CFAP70: variants seen among roughly 807,000 people sequenced by gnomAD.
CFAP70 encodes the protein cilia- and flagella-associated protein 70.
CFAP70 carries 81 observed loss-of-function variants against 137.6 expected under a neutral mutation model. The observed-to-expected ratio is 0.59, with a 90% CI of 0.49 to 0.71. The LOEUF (loss-of-function observed/expected upper bound fraction) is 0.71, where lower values mean the gene tolerates loss of function less well. Among genes scored for constraint, CFAP70 ranks in the 30% least tolerant of loss-of-function variants. The pLI is 0.00. For missense variants in CFAP70, 976 were observed against 1,226.7 expected, an observed-to-expected ratio of 0.80 and a Z score of 3.05; for synonymous variants, 382 against 423.6, an observed-to-expected ratio of 0.90 and a Z score of 1.20.
At chr10:73,336,877 C>T (rs1303934169) in intron 6 of CFAP70, among the ~76,000 whole-genome samples, 9 of 151,888 alleles carry the variant, frequency 5.9e-5, no homozygotes, top group Admixed American at 1.3e-4. Flanking sequence ...CGCCCGGCCG[C>T]GTTATACTAT....
intron 9 of CFAP70, among the ~76,000 whole-genome samples, chr10:73,314,954 C>G (rs2050215508): frequency 6.6e-6 from 1 of 151,468 alleles, no homozygotes; most frequent in Non-Finnish European, 1.5e-5. Context: ...TTACTCACAC[C>G]TGTAATCCCA....
chr10:73,258,041 G>T (rs373756716), intron 25 of CFAP70, among the ~76,000 whole-genome samples: 2 of 152,056 alleles, frequency 1.3e-5, no homozygotes, highest in East Asian at 3.9e-4. Context: ...TACAGATGTT[G>T]TATGTGTCTT....
chr10:73,356,061 A>C (rs1285382850), intron 1 of CFAP70, among the ~76,000 whole-genome samples: 1 of 152,202 alleles, frequency 6.6e-6, no homozygotes, highest in Admixed American at 6.5e-5. Flanking sequence ...CAGCCACACA[A>C]AATGGTAGTC....
chr10:73,316,481 G>GATATAT (rs1253458738), intron 9 of CFAP70, among the ~76,000 whole-genome samples: 73 of 106,528 alleles, frequency 6.9e-4, no homozygotes, highest in East Asian at 6.1e-3. Context: ...TATATATATA[G>GATATAT]ATATAGATAT....
chr10:73,332,630 A>G (rs2052234017), intron 7 of CFAP70, among the ~76,000 whole-genome samples: 1 of 152,216 alleles, frequency 6.6e-6, no homozygotes. Context: ...GTTTCAATAT[A>G]ATAACAATGA....
chr10:73,341,633 G>A, intron 5 of CFAP70, 52 bp from the exon 7 acceptor site: 1 of 1,464,084 alleles, frequency 6.8e-7, no homozygotes, highest in South Asian at 1.2e-5. Context: ...ACTTTGAAAT[G>A]GACAAGAAGA....
Position 73,275,364 on chromosome 10 carries a change from G to C in CFAP70, c.2673+82C>G. ...CTGATGACCACCCTTCTGTTCACCA[G>C]AAATCTACGTGTGATATGGCATCAC... On this transcript the variant is annotated intron_variant, in intron 22 of 26. Transcript: ENST00000310715. The surrounding 1 kb of genome is among the most constrained non-coding windows in gnomAD (Gnocchi z 4.0). 1 of 1,460,628 alleles carries C rather than the reference G, an allele frequency of 6.8e-7. No individual in the cohort carries two copies. The highest frequency in any genetic ancestry group is 9.2e-7 in the Non-Finnish European group (1 of 1,091,222). The allele number at this position is 1,460,628 out of a possible 1,614,324, so 90.5% of individuals were successfully genotyped here.
At chr10:73,316,487 GATATATATAT>G (rs551707557) in intron 9 of CFAP70, among the ~76,000 whole-genome samples, 1 of 100,946 alleles carries the variant, frequency 9.9e-6, no homozygotes. Context: ...TATAGATATA[GATATATATAT>G]ATATATATAT....
At chr10:73,305,282 T>C (rs1401986610) in intron 12 of CFAP70, among the ~76,000 whole-genome samples, 1 of 152,188 alleles carries the variant, frequency 6.6e-6, no homozygotes, top group Non-Finnish European at 1.5e-5. Flanking sequence ...CCAAAGCTGT[T>C]TGGGGCAAAG....
chr10:73,303,001 A>ACC (rs1564810919), intron 12 of CFAP70, among the ~76,000 whole-genome samples: 1 of 145,780 alleles, frequency 6.9e-6, no homozygotes, highest in Non-Finnish European at 1.5e-5. Flanking sequence ...TGCCTCAGCA[A>ACC]CCCCACCGCC....
chr10:73,322,701 T>G (rs2050985395), intron 9 of CFAP70, among the ~76,000 whole-genome samples: 1 of 152,148 alleles, frequency 6.6e-6, no homozygotes, highest in African/African-American at 2.4e-5. Flanking sequence ...TAGTATTCCA[T>G]CATACAGAGG....
chr10:73,276,649 G>C (rs1478693053), intron 21 of CFAP70: 1 of 152,078 alleles, frequency 6.6e-6, no homozygotes, highest in Non-Finnish European at 1.5e-5. Flanking sequence ...AACACTCCTG[G>C]CTCCTGAGTC....
At chr10:73,350,619 A>G (rs1564888338) in intron 3 of CFAP70, among the ~76,000 whole-genome samples, 4 of 152,050 alleles carry the variant, frequency 2.6e-5, no homozygotes, top group Non-Finnish European at 5.9e-5. Context: ...GAATATATAT[A>G]TATTTTTTTT....
exon 20 of CFAP70, chr10:73,278,336 T>C: frequency 6.2e-7 from 1 of 1,608,254 alleles, no homozygotes; most frequent in Non-Finnish European, 8.5e-7. Flanking sequence ...CAGCTCCTGG[T>C]CCTAAATAGA....
chr10:73,298,156 A>G (rs1161120411), intron 14 of CFAP70, among the ~76,000 whole-genome samples: 1 of 151,114 alleles, frequency 6.6e-6, no homozygotes, highest in African/African-American at 2.5e-5. Flanking sequence ...GATCTTTACT[A>G]TCTCTGTGAC....
rs947823861 is a variant in CFAP70 at position 73,292,110 on chromosome 10, T to A, written c.1771-96A>T. On this transcript the variant is annotated intron_variant, in intron 16 of 26. Transcript: ENST00000310715. ...AACACTGTAAATACTGTAAGTTCTA[T>A]GAAAGCACAGATTGTGACTTCTTTT... 21 of 1,442,828 alleles carry A rather than the reference T, an allele frequency of 1.5e-5. No individual in the cohort carries two copies. The African/African-American group carries it at 2.8e-4, about 19-fold the overall frequency. The allele number at this position is 1,442,828 out of a possible 1,614,324, so 89.4% of individuals were successfully genotyped here. A position where few individuals can be genotyped will look rare whatever the true frequency, so the allele number is the denominator to read the frequency against.
At chr10:73,265,280 G>T (rs539343178) in intron 25 of CFAP70, among the ~76,000 whole-genome samples, 1 of 147,854 alleles carries the variant, frequency 6.8e-6, no homozygotes, top group East Asian at 2.0e-4. Context: ...CCCAGATCGC[G>T]CCACTGCACT....
upstream of CFAP70, among the ~76,000 whole-genome samples, chr10:73,360,274 C>T (rs2054956296): frequency 6.6e-6 from 1 of 152,068 alleles, no homozygotes; most frequent in Admixed American, 6.6e-5. Flanking sequence ...TGATGAGACA[C>T]CATCTCTTCA....
At chr10:73,301,536 G>A (rs181795776) in intron 12 of CFAP70, among the ~76,000 whole-genome samples, 136 of 152,278 alleles carry the variant, frequency 8.9e-4, no homozygotes, top group Non-Finnish European at 1.7e-3. Context: ...TATGATTCCA[G>A]AGTTGGCAAA....
Sources: allele counts gnomAD v4.1 joint callset (sites outside exome capture counted in the v4.1 genomes callset), GRCh38; gene constraint gnomAD v4.1.1; non-coding constraint Gnocchi (gnomAD v3.1); transcripts MANE v1.5; gene names NCBI Gene and HGNC (gene_info 2026-07-23, HGNC 2026-07-21).